The following KCTD8 variants were observed in gnomAD, a reference collection of about 807,000 sequenced individuals.
The protein encoded by KCTD8 is BTB/POZ domain-containing protein KCTD8.
In KCTD8, 27 loss-of-function variants were observed where a neutral mutation model predicts 31.5. That is an observed-to-expected ratio of 0.86 (90% CI 0.63 to 1.18). The LOEUF (loss-of-function observed/expected upper bound fraction) is 1.18, where lower values mean the gene tolerates loss of function less well. Ranked by LOEUF, KCTD8 falls within the 50% of genes most tolerant of loss-of-function variation. The pLI is 0.00. For synonymous variants in KCTD8, 290 were observed against 280.0 expected, an observed-to-expected ratio of 1.04 and a Z score of -0.36; for missense variants, 658 against 647.7, an observed-to-expected ratio of 1.02 and a Z score of -0.17.
chr4:44,214,470 C>T (rs1038423170), intron 1 of KCTD8, among the ~76,000 whole-genome samples: 3 of 152,186 alleles, frequency 2.0e-5, no homozygotes, highest in African/African-American at 7.2e-5. Context: ...ATAACCTGTA[C>T]ATACAGTAAT....
chr4:44,209,264 A>G (rs1714408590), intron 1 of KCTD8, among the ~76,000 whole-genome samples: 1 of 152,138 alleles, frequency 6.6e-6, no homozygotes, highest in African/African-American at 2.4e-5. Context: ...AGCACTTAAT[A>G]AGAGAATATG....
chr4:44,447,923 C>G lies in KCTD8; in HGVS notation c.601G>C (p.Ala201Pro). 7.1e-7 allele frequency: 1 copy of G among 1,412,154 alleles called. No individual in the cohort carries two copies. Among genetic ancestry groups the G allele is most frequent in the East Asian group, 3.0e-5 (1 of 33,474 alleles). The allele number at this position is 1,412,154 out of a possible 1,614,324, so 87.5% of individuals were successfully genotyped here. The change falls in exon 1 of 2, where the codon GCG (alanine) becomes CCG (proline). Residue 201 changes from alanine (A) to proline (P), a missense_variant. Coordinates refer to ENST00000360029, the MANE Select transcript of KCTD8 (RefSeq NM_198353.3). The stretch of plus-strand genomic sequence containing the variant: ...AGGAAGCCCGAGCGCTTGTCCTGCG[C>G]GCCGCCGCCGCCGCCACCACCGTGC... ...GAHGGGGGGG[A>P]QDKRSGFLTL... is the part of the protein sequence containing the mutation.
intron 1 of KCTD8, among the ~76,000 whole-genome samples, chr4:44,308,624 T>A (rs1192639224): frequency 1.3e-5 from 2 of 152,104 alleles, no homozygotes; most frequent in Non-Finnish European, 2.9e-5. Context: ...AGATGTACTA[T>A]TAAATGAGAG....
intron 1 of KCTD8, among the ~76,000 whole-genome samples, chr4:44,341,447 A>G (rs1718897543): frequency 6.6e-6 from 1 of 152,194 alleles, no homozygotes; most frequent in Non-Finnish European, 1.5e-5. Flanking sequence ...CCCACAGTGA[A>G]ATTTCTTTCA....
chr4:44,270,618 T>A (rs58615901), intron 1 of KCTD8, among the ~76,000 whole-genome samples: 9,306 of 152,064 alleles, frequency 0.061, 955 homozygotes, highest in African/African-American at 0.21. Flanking sequence ...GACCAAACAG[T>A]TGGGTTTGAA....
chr4:44,256,236 C>T (rs1003305151), intron 1 of KCTD8, among the ~76,000 whole-genome samples: 21 of 151,806 alleles, frequency 1.4e-4, no homozygotes, highest in Admixed American at 6.6e-4. Flanking sequence ...TAGGTGGGGA[C>T]GCAGCCAAAC....
At chr4:44,314,553 TGTTTC>T (rs1718052966) in intron 1 of KCTD8, among the ~76,000 whole-genome samples, 1 of 152,150 alleles carries the variant, frequency 6.6e-6, no homozygotes, top group African/African-American at 2.4e-5. Context: ...GAATGAATAA[TGTTTC>T]CTCTGCCTGA....
At chr4:44,316,151 T>C (rs1202830860) in intron 1 of KCTD8, among the ~76,000 whole-genome samples, 1 of 152,122 alleles carries the variant, frequency 6.6e-6, no homozygotes, top group East Asian at 1.9e-4. Context: ...CCTTGATTTT[T>C]TTCTTTCAGA....
intron 1 of KCTD8, among the ~76,000 whole-genome samples, chr4:44,382,022 T>C (rs900985143): frequency 6.6e-6 from 1 of 152,094 alleles, no homozygotes; most frequent in Non-Finnish European, 1.5e-5. Context: ...ATCAAGAGAA[T>C]ATAATAAATT....
intron 1 of KCTD8, among the ~76,000 whole-genome samples, chr4:44,444,307 T>C (rs533387671): frequency 1.8e-4 from 28 of 152,194 alleles, no homozygotes; most frequent in Non-Finnish European, 1.9e-4. Context: ...GAAAAACCAA[T>C]TGGAATATGA....
intron 1 of KCTD8, among the ~76,000 whole-genome samples, chr4:44,430,428 T>C (rs1721476374): frequency 6.6e-6 from 1 of 151,736 alleles, no homozygotes; most frequent in Non-Finnish European, 1.5e-5. Context: ...GAAAGTTATA[T>C]TAGAGTAATT....
At chr4:44,268,718 A>G (rs567781167) in intron 1 of KCTD8, among the ~76,000 whole-genome samples, 1 of 152,316 alleles carries the variant, frequency 6.6e-6, no homozygotes, top group South Asian at 2.1e-4. Context: ...AAACCAATGT[A>G]CAAAAATCAC....
chr4:44,195,982 C>T (rs1007989054), intron 1 of KCTD8, among the ~76,000 whole-genome samples: 1 of 151,922 alleles, frequency 6.6e-6, no homozygotes, highest in Admixed American at 6.6e-5. Context: ...AGTGATTGAA[C>T]AATAAAACAA....
At chr4:44,369,571 C>T (rs1719729968) in intron 1 of KCTD8, among the ~76,000 whole-genome samples, 1 of 152,074 alleles carries the variant, frequency 6.6e-6, no homozygotes, top group South Asian at 2.1e-4. Context: ...TTTGGGAGGC[C>T]AAGGTGGGTG....
At chr4:44,178,475 GT>G (rs1007340802) in intron 1 of KCTD8, among the ~76,000 whole-genome samples, 20 of 151,792 alleles carry the variant, frequency 1.3e-4, no homozygotes, top group African/African-American at 4.3e-4. Context: ...AATAAATGTT[GT>G]TTTTTTTACC....
chr4:44,448,454 T>C lies in KCTD8; in HGVS notation c.70A>G (p.Ser24Gly). 6.5e-7 allele frequency: 1 copy of C among 1,545,104 alleles called. No homozygotes were observed. Among genetic ancestry groups the C allele is most frequent in the Non-Finnish European group, 8.7e-7 (1 of 1,153,954 alleles). Residue 24 changes from serine to glycine, a missense_variant, in exon 1 of 2, where the codon AGC (serine) becomes GGC (glycine). Coordinates refer to ENST00000360029, the MANE Select transcript of KCTD8 (RefSeq NM_198353.3). This position sits in a 1 kb window ranked among gnomAD's most constrained non-coding sequence, Gnocchi z 4.1. ...GCGGCGGCCGACGCGCCGGGCGAGC[T>C]GGACGAGGAAACCATCTCGCTAATG... ...LPISEMVSSSSSPGASAAAAP... is the reference protein window; with the variant it reads ...LPISEMVSSSGSPGASAAAAP...
intron 1 of KCTD8, among the ~76,000 whole-genome samples, chr4:44,362,651 A>G (rs1719528562): frequency 1.3e-5 from 2 of 152,228 alleles, no homozygotes; most frequent in Admixed American, 6.5e-5. Context: ...TGGTAGGAAC[A>G]TAATGGAAAA....
chr4:44,325,926 T>C (rs772935605), intron 1 of KCTD8, among the ~76,000 whole-genome samples: 3 of 151,854 alleles, frequency 2.0e-5, no homozygotes, highest in African/African-American at 2.4e-5. Context: ...CTTCAAAAAG[T>C]GGTCAGTTAA....
chr4:44,223,679 T>C (rs1204612120), intron 1 of KCTD8, among the ~76,000 whole-genome samples: 2 of 152,216 alleles, frequency 1.3e-5, no homozygotes, highest in Admixed American at 1.3e-4. Context: ...AGTACTACAC[T>C]GGCATGGCAA....
Sources: allele counts gnomAD v4.1 joint callset (sites outside exome capture counted in the v4.1 genomes callset), GRCh38; gene constraint gnomAD v4.1.1; non-coding constraint Gnocchi (gnomAD v3.1); transcripts MANE v1.5; gene names NCBI Gene and HGNC (gene_info 2026-07-23, HGNC 2026-07-21).